JPH2: variants seen among roughly 807,000 people sequenced by gnomAD.
JPH2 encodes junctophilin-2.
Under a neutral mutation model 55.9 loss-of-function variants are expected in JPH2, and 38 were observed. The ratio of observed to expected loss-of-function variants is 0.68; its 90% CI spans 0.52 to 0.89. JPH2 has a LOEUF of 0.89. JPH2 is among the 40% of genes least tolerant of loss of function. The pLI is 0.00. For missense variants in JPH2, 964 were observed against 1,037.6 expected (o/e 0.93, Z 0.97); for synonymous variants, 480 against 472.4 (o/e 1.02, Z -0.21).
chr20:44,142,545 C>T (rs189991925), intron 2 of JPH2, among the ~76,000 whole-genome samples: 165 of 152,302 alleles, frequency 1.1e-3, no homozygotes, highest in Admixed American at 8.1e-3. Context: ...CTCCCCCTGA[C>T]GCAGCCCCCT....
intron 2 of JPH2, among the ~76,000 whole-genome samples, chr20:44,145,184 GC>G (rs2072484856): frequency 6.6e-6 from 1 of 151,992 alleles, no homozygotes; most frequent in Non-Finnish European, 1.5e-5. Flanking sequence ...TCAGCTCAGA[GC>G]CAGGAGCAGG....
At chr20:44,134,998 G>T (rs1181672405) in intron 2 of JPH2, among the ~76,000 whole-genome samples, 1 of 144,026 alleles carries the variant, frequency 6.9e-6, no homozygotes, top group Non-Finnish European at 1.5e-5. Flanking sequence ...ATGACCAAGT[G>T]GACAGAATAC....
intron 1 of JPH2, among the ~76,000 whole-genome samples, chr20:44,169,240 G>C (rs1014231752): frequency 7.5e-5 from 11 of 146,928 alleles, no homozygotes; most frequent in African/African-American, 2.8e-4. Flanking sequence ...GCAGTAGTGT[G>C]ATCTTGGCTC....
Position 44,116,328 on chromosome 20 carries a change from C to T in JPH2, c.1347G>A (p.Leu449=). The change falls in exon 4 of 6, where the codon CTG becomes CTA. Residue 449 remains leucine, a synonymous_variant. Transcript: ENST00000372980. ...CGGCGCCCCGGTCGGGGGGCTCCAG[C>T]AGGCTCTCCGAGTTCTCCAGGATCT... The part of the protein sequence containing the change: ...LQEILENSES[L]LEPPDRGAGA... The T allele has an allele frequency of 6.5e-7, 1 of 1,545,602 alleles. No homozygotes were observed. The highest frequency in any genetic ancestry group is 1.2e-5 in the South Asian group (1 of 83,848).
At chr20:44,134,614 T>TATATA (rs369310397) in intron 2 of JPH2, among the ~76,000 whole-genome samples, 240 of 3,790 alleles carry the variant, frequency 0.063, 13 homozygotes, top group African/African-American at 0.13. Context: ...ATTATAAATA[T>TATATA]AATAAATATA....
chr20:44,147,617 A>G (rs2072502017), intron 2 of JPH2, among the ~76,000 whole-genome samples: 2 of 152,264 alleles, frequency 1.3e-5, no homozygotes, highest in South Asian at 4.1e-4. Context: ...CCCGGGTGGA[A>G]GTAGAACAGG....
At chr20:44,168,266 G>A (rs888166039) in intron 1 of JPH2, among the ~76,000 whole-genome samples, 5 of 152,086 alleles carry the variant, frequency 3.3e-5, no homozygotes, top group Non-Finnish European at 5.9e-5. Context: ...GCATGTTTGT[G>A]CTCTGGAATA....
chr20:44,156,080 T>G (rs555106866), intron 2 of JPH2, among the ~76,000 whole-genome samples: 1 of 146,486 alleles, frequency 6.8e-6, no homozygotes, highest in South Asian at 2.1e-4. Flanking sequence ...AAGCAAAGAA[T>G]CAGAAACTAT....
chr20:44,147,036 A>G (rs761205), intron 2 of JPH2, among the ~76,000 whole-genome samples: 115,598 of 151,940 alleles, frequency 0.76, 44,134 homozygotes, highest in Admixed American at 0.83. Context: ...TATACTGGAG[A>G]GGTGGGGTGA....
intron 2 of JPH2, among the ~76,000 whole-genome samples, chr20:44,123,738 C>T (rs557666675): frequency 3.3e-4 from 50 of 152,298 alleles, no homozygotes; most frequent in Middle Eastern, 3.4e-3. Flanking sequence ...CTGCCCAGAC[C>T]GACTCATCGG....
At chr20:44,152,071 G>C (rs1600853469) in intron 2 of JPH2, among the ~76,000 whole-genome samples, 1 of 152,302 alleles carries the variant, frequency 6.6e-6, no homozygotes, top group Admixed American at 6.5e-5. Flanking sequence ...TCCCTGCATG[G>C]CTTCGCCCTC....
In JPH2 at chr20:44,160,212, G is replaced by A. The variant is rs1481973487; in HGVS notation, c.575C>T (p.Ser192Leu). The A allele has an allele frequency of 6.3e-6, 9 of 1,426,526 alleles. No individual in the cohort carries two copies. The highest frequency in any genetic ancestry group is 2.9e-5 in the East Asian group (1 of 34,760). 88.4% of individuals were successfully genotyped at this position (1,426,526 alleles called of 1,614,324 possible). A position where few individuals can be genotyped will look rare whatever the true frequency, so the allele number is the denominator to read the frequency against. ...SPASDGPALP[S>L]PAIPRGGFAL... Reference sequence around the variant, plus strand: ...GAAGCCGCCACGCGGGATGGCGGGCGAGGGCAGCGCGGGGCCGTCGGAGGC... The same window carrying A: ...GAAGCCGCCACGCGGGATGGCGGGCAAGGGCAGCGCGGGGCCGTCGGAGGC... The change falls in exon 2 of 6, where the codon TCG (serine) becomes TTG (leucine). Residue 192 changes from serine to leucine, a missense_variant. By Grantham distance (145) the Ser-to-Leu change is moderately radical. Coordinates refer to ENST00000372980, the MANE Select transcript of JPH2 (RefSeq NM_020433.5). This position sits in a 1 kb window ranked among gnomAD's most constrained non-coding sequence, Gnocchi z 4.9.
intron 1 of JPH2, among the ~76,000 whole-genome samples, chr20:44,165,730 T>C (rs2072651779): frequency 6.6e-6 from 1 of 152,156 alleles, no homozygotes; most frequent in Admixed American, 6.5e-5. Flanking sequence ...ACAGGGGCCA[T>C]GGAACCACCT....
intron 2 of JPH2, among the ~76,000 whole-genome samples, chr20:44,151,676 C>G (rs1331546886): frequency 1.3e-5 from 2 of 152,136 alleles, no homozygotes; most frequent in African/African-American, 2.4e-5. Flanking sequence ...GTGAGTAGGA[C>G]ACAAGCCTGC....
In JPH2 at chr20:44,109,735, T is replaced by C. The variant is rs2072129131; in HGVS notation, c.*3783A>G. On this transcript the variant is annotated 3_prime_UTR_variant, in exon 6 of 6. Transcript: ENST00000372980. ...AGTCACTTATTTGGGGGAGAGCATC[T>C]TCATATCAGTTTTTCAGGCATGGCA... is the stretch of plus-strand genomic sequence containing the variant. Among the ~76,000 whole-genome samples, 1 of 152,168 alleles carries C rather than the reference T, an allele frequency of 6.6e-6. No homozygotes were observed. The highest frequency in any genetic ancestry group is 2.1e-4 in the South Asian group (1 of 4,830).
At position 44,160,450 on chromosome 20, in the gene JPH2, TC is replaced by T; in HGVS notation, c.380-44del. The stretch of plus-strand genomic sequence containing the variant: ...GCGCGTCAGTAGGCGGCACGACGGG[TC>T]CCCGCGTGTGCACGGTGGCCTGGGA... On this transcript the variant is annotated intron_variant, in intron 1 of 5. Coordinates refer to ENST00000372980, the MANE Select transcript of JPH2 (RefSeq NM_020433.5). The surrounding 1 kb of genome is among the most constrained non-coding windows in gnomAD (Gnocchi z 4.9). The T allele has an allele frequency of 6.3e-7, 1 of 1,588,062 alleles. No individual in the cohort carries two copies.
chr20:44,129,901 C>G (rs1049773645), intron 2 of JPH2, among the ~76,000 whole-genome samples: 1 of 152,044 alleles, frequency 6.6e-6, no homozygotes, highest in Non-Finnish European at 1.5e-5. Context: ...GCCATAAGCT[C>G]AGGAATGCAG....
chr20:44,175,238 C>T (rs1287923240), intron 1 of JPH2, among the ~76,000 whole-genome samples: 1 of 152,176 alleles, frequency 6.6e-6, no homozygotes, highest in Non-Finnish European at 1.5e-5. Context: ...AGAACACTAC[C>T]TAGCACCTAG....
At chr20:44,180,452 C>A (rs757527147) in intron 1 of JPH2, among the ~76,000 whole-genome samples, 9 of 152,134 alleles carry the variant, frequency 5.9e-5, no homozygotes, top group Non-Finnish European at 1.2e-4. Context: ...CCACCTTAGC[C>A]TCTCAAGTAG....
Sources: gnomAD v4.1 joint callset for allele counts (sites outside exome capture counted in the v4.1 genomes callset) on GRCh38, gnomAD v4.1.1 for gene constraint, Gnocchi (gnomAD v3.1) non-coding constraint, MANE v1.5 for transcripts, NCBI Gene and HGNC (gene_info 2026-07-23, HGNC 2026-07-21) for gene names.